GAS2L3: variants seen among roughly 807,000 people sequenced by gnomAD.
The protein encoded by GAS2L3 is GAS2-like protein 3.
In GAS2L3, 28 loss-of-function variants were observed where a neutral mutation model predicts 37.0. That is an observed-to-expected ratio of 0.76 (90% CI 0.56 to 1.04). GAS2L3 has a LOEUF of 1.04. Among genes scored for constraint, GAS2L3 ranks in the 50% least tolerant of loss-of-function variants. GAS2L3 has a pLI of 0.00. For synonymous variants in GAS2L3, 290 were observed against 296.6 expected (o/e 0.98, Z 0.23); for missense variants, 793 against 817.6 (o/e 0.97, Z 0.37).
rs1402821427 is a variant in GAS2L3, at chr12:100,624,282, T to C, written c.1477T>C (p.Ser493Pro). 6.2e-7 allele frequency: 1 copy of C among 1,613,930 alleles called. No homozygotes were observed. The highest frequency in any genetic ancestry group is 1.3e-5 in the African/African-American group (1 of 74,910). ...DNAVSHLAAH[S>P]NSSSKCPKLP... Reference sequence around the variant, plus strand: ...TGCAGTATCTCACTTAGCTGCACATTCAAATTCATCCTCAAAATGTCCCAA... The same window carrying C: ...TGCAGTATCTCACTTAGCTGCACATCCAAATTCATCCTCAAAATGTCCCAA... The change falls in exon 10 of 10, where the codon TCA (serine) becomes CCA (proline). Residue 493 changes from serine to proline, a missense_variant. Transcript: ENST00000547754.
rs778612472 is a variant in GAS2L3, at chr12:100,624,260, A to C, written c.1455A>C (p.Ala485=). 5.6e-6 allele frequency: 9 copies of C among 1,614,130 alleles called. No individual in the cohort carries two copies. The highest frequency in any genetic ancestry group is 7.6e-6 in the Non-Finnish European group (9 of 1,180,004). ...ATCATATTTCTTCCAGAGATAATGC[A>C]GTATCTCACTTAGCTGCACATTCAA... ...KHNHISSRDN[A]VSHLAAHSNS... is the part of the protein sequence containing the mutation. Residue 485 remains alanine (A), a synonymous_variant, in exon 10 of 10, where the codon GCA becomes GCC. Transcript: ENST00000547754.
At chr12:100,609,151 A>G in intron 5 of GAS2L3, among the ~76,000 whole-genome samples, 1 of 152,028 alleles carries the variant, frequency 6.6e-6, no homozygotes, top group East Asian at 1.9e-4. Context: ...TTGGTGCTCT[A>G]CTCTACTGTG....
At chr12:100,604,612 C>G (rs1956034202) in intron 5 of GAS2L3, among the ~76,000 whole-genome samples, 1 of 151,592 alleles carries the variant, frequency 6.6e-6, no homozygotes. Context: ...ATTACTCTAG[C>G]TAGGACTTCC....
chr12:100,590,609 G>C (rs1955834342), intron 1 of GAS2L3, among the ~76,000 whole-genome samples: 1 of 152,146 alleles, frequency 6.6e-6, no homozygotes, highest in Non-Finnish European at 1.5e-5. Context: ...AAAGATACTT[G>C]CACATGCATG....
intron 1 of GAS2L3, among the ~76,000 whole-genome samples, chr12:100,587,518 A>G (rs1400986273): frequency 1.3e-5 from 2 of 152,226 alleles, no homozygotes; most frequent in African/African-American, 4.8e-5. Context: ...AAAAAGCATT[A>G]GGCAAAATCC....
chr12:100,588,104 T>C (rs1242477985), intron 1 of GAS2L3, among the ~76,000 whole-genome samples: 1 of 151,956 alleles, frequency 6.6e-6, no homozygotes, highest in East Asian at 1.9e-4. Flanking sequence ...AAAGAGGAAG[T>C]CTAACTATTA....
intron 1 of GAS2L3, chr12:100,574,107 G>C (rs1373953397): frequency 6.6e-6 from 1 of 152,368 alleles, no homozygotes; most frequent in Non-Finnish European, 1.5e-5. Flanking sequence ...CTGGGGAGGA[G>C]GGATCCAGCC....
intron 6 of GAS2L3, among the ~76,000 whole-genome samples, chr12:100,615,263 A>G (rs1441814079): frequency 6.6e-6 from 1 of 152,172 alleles, no homozygotes; most frequent in Non-Finnish European, 1.5e-5. Flanking sequence ...GATATTGAAC[A>G]TCTTTTTATA....
intron 4 of GAS2L3, 82 bp from the exon 5 acceptor site, chr12:100,601,556 G>C: frequency 2.7e-6 from 2 of 734,976 alleles, no homozygotes; most frequent in Non-Finnish European, 4.9e-6. Flanking sequence ...GTGTTTTGCT[G>C]TAATCTGATT....
At position 100,591,769 on chromosome 12, in the gene GAS2L3, T is replaced by G. The variant is rs1955849571; in HGVS notation, c.-118T>G. 6.6e-6 allele frequency: 1 copy of G among 152,138 alleles called. No individual in the cohort carries two copies. The highest frequency in any genetic ancestry group is 1.5e-5 in the Non-Finnish European group (1 of 68,004). The allele number at this position is 152,138 out of a possible 1,614,324, so 9.4% of individuals were successfully genotyped here. ...ACTGAGGCTCAGAGAAGTTAACTACTCCAAAGTCATATAGCCAGTATTTTC... is the reference window on the plus strand; with the variant it reads ...ACTGAGGCTCAGAGAAGTTAACTACGCCAAAGTCATATAGCCAGTATTTTC... On this transcript the variant is annotated 5_prime_UTR_variant, in exon 2 of 10. Coordinates refer to ENST00000547754, the MANE Select transcript of GAS2L3 (RefSeq NM_174942.3).
rs376244627 is a variant in GAS2L3 at position 100,618,023 on chromosome 12, A to G, written c.509+216A>G. Among the ~76,000 whole-genome samples the G allele has an allele frequency of 3.9e-5, 6 of 152,254 alleles. No homozygotes were observed. In the South Asian group the frequency reaches 1.0e-3, roughly 26 times the overall value. On this transcript the variant is annotated intron_variant, in intron 7 of 9. Transcript: ENST00000547754. Reference sequence around the variant, plus strand: ...ATAGCTTGTCTTCTTTTACTGTTAAACTATGGGAGTGGTTACTTAAATTTT... The same window carrying G: ...ATAGCTTGTCTTCTTTTACTGTTAAGCTATGGGAGTGGTTACTTAAATTTT...
At chr12:100,579,080 C>T in intron 1 of GAS2L3, 1 of 737,444 alleles carries the variant, frequency 1.4e-6, no homozygotes, top group Non-Finnish European at 2.5e-6. Context: ...TCTGCCATTG[C>T]TCAAGTACAT....
chr12:100,574,695 CA>C (rs1236953288), intron 1 of GAS2L3, among the ~76,000 whole-genome samples: 2 of 152,024 alleles, frequency 1.3e-5, no homozygotes, highest in Non-Finnish European at 2.9e-5. Context: ...GTGTGAAGAG[CA>C]AAAAACAAAC....
intron 1 of GAS2L3, among the ~76,000 whole-genome samples, chr12:100,582,647 G>T (rs1316716979): frequency 6.6e-6 from 1 of 152,154 alleles, no homozygotes; most frequent in Non-Finnish European, 1.5e-5. Flanking sequence ...CATGCTACAT[G>T]TTCAAAAATA....
intron 5 of GAS2L3, among the ~76,000 whole-genome samples, chr12:100,609,960 C>T (rs1956106123): frequency 6.6e-6 from 1 of 152,192 alleles, no homozygotes; most frequent in Admixed American, 6.5e-5. Context: ...GTCTTTCCTG[C>T]CCTCTTCAAT....
In GAS2L3 at chr12:100,624,472, C is replaced by T. The variant is rs754943748; in HGVS notation, c.1667C>T (p.Ser556Leu). The T allele has an allele frequency of 2.0e-5, 33 of 1,613,914 alleles. No homozygotes were observed. The highest frequency in any genetic ancestry group is 1.8e-4 in the East Asian group (8 of 44,872). The change falls in exon 10 of 10, where the codon TCG becomes TTG. Residue 556 changes from serine to leucine, a missense_variant. Transcript: ENST00000547754. Reference protein sequence around the residue: ...AKPVPAQKLKSALNLNQPVSV... With the variant: ...AKPVPAQKLKLALNLNQPVSV... ...CCAGTCCCAGCACAGAAACTTAAAT[C>T]GGCCTTGAATTTAAATCAGCCAGTT... is the stretch of plus-strand genomic sequence containing the variant.
intron 1 of GAS2L3, among the ~76,000 whole-genome samples, chr12:100,585,037 C>T (rs1365271456): frequency 8.7e-5 from 13 of 149,552 alleles, no homozygotes; most frequent in Admixed American, 3.3e-4. Context: ...TACAGGCACC[C>T]GCCACCACAC....
rs1955700992 is a variant in GAS2L3, at chr12:100,580,765, C to T, written c.-152+6980C>T. On this transcript the variant is annotated intron_variant, in intron 1 of 9. Coordinates refer to ENST00000547754, the MANE Select transcript of GAS2L3 (RefSeq NM_174942.3). ...TAAGATAGTCCATCAGTTACCAGCACATTTTGAGCACCTGCTATATGTGGA... is the reference window on the plus strand; with the variant it reads ...TAAGATAGTCCATCAGTTACCAGCATATTTTGAGCACCTGCTATATGTGGA... Among the ~76,000 whole-genome samples the T allele has an allele frequency of 3.3e-5, 5 of 152,184 alleles. No homozygotes were observed. The South Asian group carries it at 1.0e-3, about 32-fold the overall frequency.
intron 4 of GAS2L3, among the ~76,000 whole-genome samples, chr12:100,600,967 A>C (rs1347474571): frequency 6.6e-6 from 1 of 152,166 alleles, no homozygotes; most frequent in African/African-American, 2.4e-5. Context: ...GAGGCATTGA[A>C]GGATACAGCC....
Sources: allele counts gnomAD v4.1 joint callset (sites outside exome capture counted in the v4.1 genomes callset), GRCh38; gene constraint gnomAD v4.1.1; transcripts MANE v1.5; gene names NCBI Gene and HGNC (gene_info 2026-07-23, HGNC 2026-07-21).